DPF3: variants seen among roughly 807,000 people sequenced by gnomAD.
DPF3 encodes double PHD fingers 3.
A neutral mutation model predicts 56.8 loss-of-function variants in DPF3; 18 were observed. The ratio of observed to expected loss-of-function variants is 0.32; its 90% confidence interval spans 0.22 to 0.47. The LOEUF (loss-of-function observed/expected upper bound fraction) is 0.47, where lower values mean the gene tolerates loss of function less well. Among genes scored for constraint, DPF3 ranks in the 20% least tolerant of loss-of-function variants. The pLI, the probability that DPF3 is intolerant of heterozygous loss-of-function variation, is 1.00. For missense variants in DPF3, 403 were observed against 488.8 expected (o/e 0.82, Z 1.65); for synonymous variants, 188 against 180.2 (o/e 1.04, Z -0.35).
intron 6 of DPF3, among the ~76,000 whole-genome samples, chr14:72,709,100 C>G (rs1253851498): frequency 2.6e-5 from 4 of 152,238 alleles, no homozygotes; most frequent in Non-Finnish European, 5.9e-5. Context: ...GGAAGAGACC[C>G]TAGACCCTAT....
chr14:72,731,658 G>T, intron 4 of DPF3, 149 bp downstream of exon 4: 1 of 1,088,476 alleles, frequency 9.2e-7, no homozygotes, highest in Non-Finnish European at 1.3e-6. Flanking sequence ...AAAGAATTTG[G>T]GAGCTTCCTG....
In DPF3 at chr14:72,857,195, T is replaced by G. The variant is rs182492462; in HGVS notation, c.32+36862A>C. On this transcript the variant is annotated intron_variant, in intron 1 of 10. Transcript: ENST00000556509. The stretch of plus-strand genomic sequence containing the variant: ...TTGTCAAGGCAGCACCTCTAAACCA[T>G]GTATGGAGAGAAGACACACAAACCT... 2.7e-3 allele frequency among the ~76,000 whole-genome samples: 416 copies of G among 152,138 alleles called. 5 individuals carry two copies. The highest frequency in any genetic ancestry group is 9.5e-3 in the African/African-American group (395 of 41,516).
intron 1 of DPF3, among the ~76,000 whole-genome samples, chr14:72,822,864 T>C (rs1000386715): frequency 6.6e-6 from 1 of 152,136 alleles, no homozygotes; most frequent in Non-Finnish European, 1.5e-5. Context: ...CCCCTACAGG[T>C]TGAACATCCC....
intron 5 of DPF3, 56 bp downstream of exon 5, chr14:72,723,577 G>T: frequency 1.4e-6 from 2 of 1,432,466 alleles, no homozygotes; most frequent in Non-Finnish European, 1.9e-6. Context: ...TCAATCGTTG[G>T]CCGGGCACCC....
chr14:72,770,015 T>TGAAG (rs1414925331), intron 2 of DPF3, among the ~76,000 whole-genome samples: 1 of 152,136 alleles, frequency 6.6e-6, no homozygotes, highest in Non-Finnish European at 1.5e-5. Flanking sequence ...AGCTAACAAA[T>TGAAG]GAAGATATAA....
chr14:72,793,702 G>T (rs1412161209), intron 1 of DPF3, among the ~76,000 whole-genome samples: 1 of 152,232 alleles, frequency 6.6e-6, no homozygotes, highest in Non-Finnish European at 1.5e-5. Flanking sequence ...GACATTGACA[G>T]ATCACCGTCC....
chr14:72,712,560 G>A (rs1040107581), intron 6 of DPF3, among the ~76,000 whole-genome samples: 1 of 152,164 alleles, frequency 6.6e-6, no homozygotes, highest in African/African-American at 2.4e-5. Flanking sequence ...AATTACATAC[G>A]AAGATAAAGC....
intron 1 of DPF3, among the ~76,000 whole-genome samples, chr14:72,822,749 T>C (rs1338648227): frequency 6.6e-6 from 1 of 152,106 alleles, no homozygotes; most frequent in East Asian, 1.9e-4. Flanking sequence ...GTGTTATGGA[T>C]TGAGTTTCTT....
rs984923259 is a variant in DPF3, at chr14:72,629,511, C to T, written c.984+113G>A. Reference sequence around the variant, plus strand: ...TAATGGCCAGGTTGCTCCCAAGTGCCAGGGTAACAGGCCCCAGGGGCCTAG... The same window carrying T: ...TAATGGCCAGGTTGCTCCCAAGTGCTAGGGTAACAGGCCCCAGGGGCCTAG... On this transcript the variant is annotated intron_variant, in intron 9 of 10. Coordinates refer to ENST00000556509, the MANE Select transcript of DPF3 (RefSeq NM_001280542.3). 5 of 1,019,854 alleles carry T rather than the reference C, an allele frequency of 4.9e-6. No homozygotes were observed. In the African/African-American group the frequency reaches 8.0e-5, roughly 16 times the overall value. 63.2% of individuals were successfully genotyped at this position (1,019,854 alleles called of 1,614,324 possible).
In DPF3 at chr14:72,617,230, C is replaced by T. The variant is rs1046244681; in HGVS notation, c.*2067G>A. Among the ~76,000 whole-genome samples the T allele has an allele frequency of 6.6e-6, 1 of 152,160 alleles. No individual in the cohort carries two copies. The highest frequency in any genetic ancestry group is 1.5e-5 in the Non-Finnish European group (1 of 68,032). On this transcript the variant is annotated 3_prime_UTR_variant, in exon 11 of 11. Coordinates refer to ENST00000556509, the MANE Select transcript of DPF3 (RefSeq NM_001280542.3). The stretch of plus-strand genomic sequence containing the variant: ...GTTGTAGAGCCACAGTTTGGGGTTT[C>T]GGACTTGCTTTTTAAACTTTTAAGC...
intron 1 of DPF3, among the ~76,000 whole-genome samples, chr14:72,864,663 G>A (rs1885590259): frequency 6.6e-6 from 1 of 151,210 alleles, no homozygotes; most frequent in African/African-American, 2.4e-5. Flanking sequence ...TTGGCACTCA[G>A]TAATTAGCGG....
At chr14:72,729,375 T>A (rs7155287) in intron 4 of DPF3, among the ~76,000 whole-genome samples, 6,972 of 152,250 alleles carry the variant, frequency 0.046, 495 homozygotes, top group African/African-American at 0.16. Flanking sequence ...AGGCCTGGCA[T>A]GTTCTGGGAG....
At chr14:72,655,546 G>A (rs1181595504) in intron 8 of DPF3, among the ~76,000 whole-genome samples, 1 of 152,176 alleles carries the variant, frequency 6.6e-6, no homozygotes, top group East Asian at 1.9e-4. Context: ...TTCACCTGGT[G>A]GCCTTTTGGC....
intron 1 of DPF3, among the ~76,000 whole-genome samples, chr14:72,881,523 G>T (rs1567269301): frequency 6.6e-6 from 1 of 152,164 alleles, no homozygotes; most frequent in Non-Finnish European, 1.5e-5. Flanking sequence ...CCCTTCCCTT[G>T]AAAGGTCTTG....
intron 3 of DPF3, among the ~76,000 whole-genome samples, chr14:72,739,336 GCA>G (rs1251030631): frequency 6.6e-6 from 1 of 152,020 alleles, no homozygotes; most frequent in African/African-American, 2.4e-5. Flanking sequence ...TTACCCTAAA[GCA>G]CACACTTGGC....
intron 1 of DPF3, among the ~76,000 whole-genome samples, chr14:72,892,942 T>TGGAA (rs61598180): frequency 1.9e-4 from 25 of 132,736 alleles, no homozygotes; most frequent in Admixed American, 3.0e-4. Context: ...TTCCACTGAC[T>TGGAA]GGAAGGAAGG....
At position 72,613,856 on chromosome 14, in the gene DPF3, G is replaced by A. The variant is rs12893429; in HGVS notation, c.*5441C>T. 0.29 allele frequency among the ~76,000 whole-genome samples: 43,922 copies of A among 152,090 alleles called. 8,382 individuals are homozygous for A. The highest frequency in any genetic ancestry group is 0.41 in the Non-Finnish European group (27,528 of 67,952). ...GCCCGCCGCACAGCCAGGCCTCCCC[G>A]GGGACAGCTGCTGAGAGGCTCTAAG... is the stretch of plus-strand genomic sequence containing the variant. On this transcript the variant is annotated 3_prime_UTR_variant, in exon 11 of 11. Coordinates refer to ENST00000556509, the MANE Select transcript of DPF3 (RefSeq NM_001280542.3).
chr14:72,689,178 G>C (rs1887565536), intron 7 of DPF3, among the ~76,000 whole-genome samples: 1 of 152,174 alleles, frequency 6.6e-6, no homozygotes, highest in African/African-American at 2.4e-5. Flanking sequence ...CGCGGGATGA[G>C]CCATGGGCTC....
intron 1 of DPF3, among the ~76,000 whole-genome samples, chr14:72,832,607 A>G (rs180704176): frequency 1.3e-5 from 2 of 152,344 alleles, no homozygotes; most frequent in Non-Finnish European, 2.9e-5. Flanking sequence ...GATAGGGCAA[A>G]TGTCAGAATT....
Sources: gnomAD v4.1 joint callset for allele counts (sites outside exome capture counted in the v4.1 genomes callset) on GRCh38, gnomAD v4.1.1 for gene constraint, MANE v1.5 for transcripts, NCBI Gene and HGNC (gene_info 2026-07-23, HGNC 2026-07-21) for gene names.